CD200R1: variants seen among roughly 807,000 people sequenced by gnomAD.
The protein encoded by CD200R1 is CD200 receptor 1.
A neutral mutation model predicts 38.1 loss-of-function variants in CD200R1; 30 were observed. The observed-to-expected ratio is 0.79, with a 90% CI of 0.59 to 1.07. The LOEUF is 1.07. Among genes scored for constraint, CD200R1 ranks in the 50% least tolerant of loss-of-function variants. CD200R1 has a pLI of 0.00. For synonymous variants in CD200R1, 128 were observed against 152.1 expected (o/e 0.84, Z 1.16); for missense variants, 372 against 415.4 (o/e 0.90, Z 0.91).
At chr3:112,926,605 G>T (rs757253062) in intron 5 of CD200R1, among the ~76,000 whole-genome samples, 30 of 152,190 alleles carry the variant, frequency 2.0e-4, no homozygotes, top group African/African-American at 6.5e-4. Context: ...TATGAAAGGT[G>T]ATATTTCACA....
chr3:112,936,636 C>G (rs869166077), intron 2 of CD200R1, among the ~76,000 whole-genome samples: 1 of 152,070 alleles, frequency 6.6e-6, no homozygotes, highest in East Asian at 1.9e-4. Context: ...TCCTTACCCA[C>G]TTTTTAATGG....
Position 112,963,875 on chromosome 3 carries a change from GA to G in CD200R1, c.67+10915del, listed in dbSNP as rs746380839. Among the ~76,000 whole-genome samples, 466 of 152,166 alleles carry G rather than the reference GA, an allele frequency of 3.1e-3. 3 individuals are homozygous for G. Among genetic ancestry groups the G allele is most frequent in the Non-Finnish European group, 4.5e-3 (306 of 67,978 alleles). The stretch of plus-strand genomic sequence containing the variant: ...CCATCACAGGCCTGGAGGGTTAGGA[GA>G]AAAAAATGGTTTTGTGGGCCAGGTC... On this transcript the variant is annotated intron_variant, in intron 1 of 7. Coordinates refer to ENST00000308611, the MANE Select transcript of CD200R1 (RefSeq NM_138806.4).
chr3:112,936,392 A>G (rs1253117279), intron 2 of CD200R1, among the ~76,000 whole-genome samples: 1 of 152,174 alleles, frequency 6.6e-6, no homozygotes, highest in African/African-American at 2.4e-5. Flanking sequence ...GTCTTCCACA[A>G]TGGTTGCACT....
At chr3:112,972,898 G>C (rs1396242872) in intron 1 of CD200R1, among the ~76,000 whole-genome samples, 1 of 152,146 alleles carries the variant, frequency 6.6e-6, no homozygotes, top group African/African-American at 2.4e-5. Flanking sequence ...ATTTCCCCAA[G>C]TGGTATGCTT....
At chr3:112,925,227 T>C in intron 5 of CD200R1, 34 bp from the exon 6 acceptor site, 1 of 1,024,192 alleles carries the variant, frequency 9.8e-7, no homozygotes, top group Non-Finnish European at 1.5e-6. Context: ...TCAAATGTGG[T>C]ACAATCCAAA....
At chr3:112,928,562 A>C (rs1229987675) in intron 5 of CD200R1, among the ~76,000 whole-genome samples, 1 of 152,148 alleles carries the variant, frequency 6.6e-6, no homozygotes, top group Non-Finnish European at 1.5e-5. Context: ...AAAGTATACT[A>C]CTCATGCTAA....
intron 1 of CD200R1, among the ~76,000 whole-genome samples, chr3:112,957,079 AT>A (rs563248190): frequency 5.9e-4 from 90 of 152,124 alleles, no homozygotes; most frequent in Non-Finnish European, 1.0e-3. Context: ...TTCTATGTTT[AT>A]TTCCCCTCTT....
intron 3 of CD200R1, among the ~76,000 whole-genome samples, chr3:112,930,769 G>C (rs969301548): frequency 2.0e-5 from 3 of 152,150 alleles, no homozygotes; most frequent in African/African-American, 2.4e-5. Flanking sequence ...TCTCTTACAT[G>C]GTTTGTACTC....
At chr3:112,948,193 C>T (rs546523344) in intron 1 of CD200R1, among the ~76,000 whole-genome samples, 1 of 152,228 alleles carries the variant, frequency 6.6e-6, no homozygotes, top group Non-Finnish European at 1.5e-5. Context: ...AAGTCTTCTT[C>T]CAGGCTTTTA....
intron 1 of CD200R1, among the ~76,000 whole-genome samples, chr3:112,964,895 C>A (rs11916683): frequency 0.01 from 1,590 of 152,236 alleles, 37 homozygotes; most frequent in African/African-American, 0.036. Flanking sequence ...AGGTCTTTCC[C>A]ATGCTGTTCT....
At chr3:112,973,354 G>A (rs992384805) in intron 1 of CD200R1, among the ~76,000 whole-genome samples, 6 of 152,286 alleles carry the variant, frequency 3.9e-5, no homozygotes, top group Middle Eastern at 3.4e-3. Context: ...TTTCACTGAT[G>A]CTCTTCAGTG....
chr3:112,929,526 T>G lies in CD200R1; in HGVS notation c.203-19A>C, dbSNP rs200675154. ...GTGTTAACTGGACATGAAAAGAGAA[T>G]GATAAAAGAAAAGCTTGATAAAGAA... On this transcript the variant is annotated intron_variant, in intron 3 of 7. Transcript: ENST00000308611. 6.3e-7 allele frequency: 1 copy of G among 1,578,438 alleles called. No individual in the cohort carries two copies. The highest frequency in any genetic ancestry group is 8.6e-7 in the Non-Finnish European group (1 of 1,164,610).
Position 112,921,909 on chromosome 3 carries a change from T to TA in CD200R1, c.*1767dup, listed in dbSNP as rs1323600631. On this transcript the variant is annotated 3_prime_UTR_variant, in exon 8 of 8. Transcript: ENST00000308611. ...TGTTTTTCAGTAATATTTAAACAGA[T>TA]AGTCTTGAACCTAACTATGAGCCTC... is the stretch of plus-strand genomic sequence containing the variant. 1 of 152,092 alleles carries TA rather than the reference T, an allele frequency of 6.6e-6. No homozygotes were observed. The highest frequency in any genetic ancestry group is 1.5e-5 in the Non-Finnish European group (1 of 67,968). The allele number at this position is 152,092 out of a possible 1,614,324, so 9.4% of individuals were successfully genotyped here. A position where few individuals can be genotyped will look rare whatever the true frequency, so the allele number is the denominator to read the frequency against.
intron 1 of CD200R1, among the ~76,000 whole-genome samples, chr3:112,967,799 G>T (rs1933204893): frequency 1.3e-5 from 2 of 152,070 alleles, no homozygotes; most frequent in Non-Finnish European, 2.9e-5. Context: ...CCACACACTT[G>T]CCCCATCCCT....
chr3:112,924,519 T>C lies in CD200R1; in HGVS notation c.895A>G (p.Lys299Glu), dbSNP rs899037725. The C allele has an allele frequency of 2.4e-6, 3 of 1,263,276 alleles. No individual in the cohort carries two copies. The highest frequency in any genetic ancestry group is 3.1e-6 in the Non-Finnish European group (3 of 970,856). 78.3% of individuals were successfully genotyped at this position (1,263,276 alleles called of 1,614,324 possible). The change falls in exon 7 of 8, where the codon AAA (lysine) becomes GAA (glutamate). Residue 299 changes from lysine to glutamate, a missense_variant. Transcript: ENST00000308611. ...VNGCRKYKLN[K>E]TESTPVVEED... ...TCAACAACTGGAGTAGATTCTGTTT[T>C]ATTCAATTTATATTTTCTATAAAAA...
chr3:112,927,481 A>G (rs1940306484), intron 5 of CD200R1, among the ~76,000 whole-genome samples: 1 of 152,236 alleles, frequency 6.6e-6, no homozygotes. Context: ...GCTTCCAAGT[A>G]GCTCATATAG....
At chr3:112,960,464 GA>G (rs1465657180) in intron 1 of CD200R1, among the ~76,000 whole-genome samples, 2 of 151,878 alleles carry the variant, frequency 1.3e-5, no homozygotes, top group African/African-American at 4.8e-5. Context: ...GCAGACATTT[GA>G]AATTTTAGGA....
intron 1 of CD200R1, among the ~76,000 whole-genome samples, chr3:112,953,427 G>A (rs188411594): frequency 2.6e-5 from 4 of 152,182 alleles, no homozygotes; most frequent in East Asian, 1.9e-4. Context: ...TTTATCTGGC[G>A]TCCTTGTCTT....
At chr3:112,937,430 C>T (rs1000632940) in intron 2 of CD200R1, among the ~76,000 whole-genome samples, 1 of 148,642 alleles carries the variant, frequency 6.7e-6, no homozygotes, top group Non-Finnish European at 1.5e-5. Context: ...TGTCCCAGCA[C>T]CATTTATTAA....
Sources: allele counts gnomAD v4.1 joint callset (sites outside exome capture counted in the v4.1 genomes callset), GRCh38; gene constraint gnomAD v4.1.1; transcripts MANE v1.5; gene names NCBI Gene and HGNC (gene_info 2026-07-23, HGNC 2026-07-21).